CSMD1: variants seen among roughly 807,000 people sequenced by gnomAD.
CSMD1 encodes the protein CUB and sushi domain-containing protein 1.
CSMD1 carries 213 observed loss-of-function variants against 417.5 expected under a neutral mutation model. The ratio of observed to expected loss-of-function variants is 0.51; its 90% CI spans 0.46 to 0.57. The LOEUF (loss-of-function observed/expected upper bound fraction) is 0.57, where lower values mean the gene tolerates loss of function less well. Ranked by LOEUF, CSMD1 falls within the 20% of genes least tolerant of loss-of-function variation. The pLI is 0.00. For synonymous variants in CSMD1, 2,862 were observed against 1,736.8 expected (o/e 1.65, Z -16.11); for missense variants, 6,923 against 4,529.7 (o/e 1.53, Z -15.17).
chr8:4,682,336 A>C (rs959268248), intron 1 of CSMD1, among the ~76,000 whole-genome samples: 1 of 152,100 alleles, frequency 6.6e-6, no homozygotes, highest in African/African-American at 2.4e-5. Flanking sequence ...TAGACTGAAA[A>C]ATGCTTTTTT....
intron 47 of CSMD1, 86 bp downstream of exon 47, chr8:3,096,763 C>T (rs1815334210): frequency 5.6e-6 from 5 of 892,558 alleles, no homozygotes; most frequent in Non-Finnish European, 5.0e-6. Context: ...AGAATATATT[C>T]CAGTCTTTAT....
Position 4,372,480 on chromosome 8 carries a change from TAAAAC to T in CSMD1, c.415+47468_415+47472del, listed in dbSNP as rs569028541. Among the ~76,000 whole-genome samples, 1,107 of 148,596 alleles carry T rather than the reference TAAAAC, an allele frequency of 7.4e-3. 9 individuals are homozygous for T. The highest frequency in any genetic ancestry group is 0.027 in the African/African-American group (1,055 of 39,206). On this transcript the variant is annotated intron_variant, in intron 3 of 69. Coordinates refer to ENST00000635120, the MANE Select transcript of CSMD1 (RefSeq NM_033225.6). ...TCAAGGGCAATAGTTAAGTGTCACT[TAAAAC>T]AACAACAACAAAAAACAGAAAAAAA...
chr8:4,283,589 G>A (rs753057908), intron 3 of CSMD1, among the ~76,000 whole-genome samples: 5 of 152,118 alleles, frequency 3.3e-5, no homozygotes, highest in Admixed American at 6.6e-5. Flanking sequence ...ATGTAATTTA[G>A]GAAACCCAGG....
At chr8:3,556,536 A>C (rs1233821637) in intron 10 of CSMD1, among the ~76,000 whole-genome samples, 1 of 148,892 alleles carries the variant, frequency 6.7e-6, no homozygotes, top group Non-Finnish European at 1.5e-5. Flanking sequence ...ACACACACAC[A>C]CACACACACA....
At chr8:4,930,954 G>C (rs187988692) in intron 1 of CSMD1, among the ~76,000 whole-genome samples, 7 of 152,108 alleles carry the variant, frequency 4.6e-5, no homozygotes, top group Non-Finnish European at 5.9e-5. Flanking sequence ...ATTTACAGAA[G>C]CTTATGGAAC....
intron 3 of CSMD1, among the ~76,000 whole-genome samples, chr8:4,380,570 C>G (rs1803035937): frequency 6.6e-6 from 1 of 152,074 alleles, no homozygotes; most frequent in Non-Finnish European, 1.5e-5. Flanking sequence ...GGATGGGACC[C>G]GTGGATGGAA....
At chr8:3,929,938 A>AG (rs1810026358) in intron 5 of CSMD1, among the ~76,000 whole-genome samples, 1 of 150,396 alleles carries the variant, frequency 6.6e-6, no homozygotes, top group Admixed American at 6.6e-5. Context: ...CTGGGATTAC[A>AG]GGCCTCATGT....
Position 4,126,328 on chromosome 8 carries a change from G to A in CSMD1, c.416-94229C>T, listed in dbSNP as rs147714875. On this transcript the variant is annotated intron_variant, in intron 3 of 69. Transcript: ENST00000635120. ...GATAAATTGGCTCTGTCTGGGCAGG[G>A]GGCAAGGTGAACCCACTGCATGGTT... Among the ~76,000 whole-genome samples the A allele has an allele frequency of 2.5e-3, 386 of 152,238 alleles. 4 individuals are homozygous for A. The highest frequency in any genetic ancestry group is 8.8e-3 in the African/African-American group (365 of 41,532).
At chr8:4,157,632 G>T (rs147472219) in intron 3 of CSMD1, among the ~76,000 whole-genome samples, 1 of 152,170 alleles carries the variant, frequency 6.6e-6, no homozygotes, top group Admixed American at 6.5e-5. Context: ...TTGATTTTCA[G>T]AACAGCTCAG....
At chr8:4,483,904 T>G (rs1298817040) in intron 2 of CSMD1, among the ~76,000 whole-genome samples, 1 of 152,200 alleles carries the variant, frequency 6.6e-6, no homozygotes, top group Non-Finnish European at 1.5e-5. Context: ...GGTTTGCTTA[T>G]TCAGGCCAAG....
intron 57 of CSMD1, among the ~76,000 whole-genome samples, chr8:2,970,475 A>T (rs538541576): frequency 6.6e-6 from 1 of 152,360 alleles, no homozygotes; most frequent in Non-Finnish European, 1.5e-5. Context: ...AATATTCTTG[A>T]AAACAGAAGG....
At chr8:3,809,203 C>A (rs950275846) in intron 5 of CSMD1, among the ~76,000 whole-genome samples, 1 of 152,152 alleles carries the variant, frequency 6.6e-6, no homozygotes, top group Non-Finnish European at 1.5e-5. Context: ...AACTTCTCAC[C>A]CATCAGGTCT....
At chr8:4,743,138 A>G (rs1220046969) in intron 1 of CSMD1, among the ~76,000 whole-genome samples, 1 of 152,188 alleles carries the variant, frequency 6.6e-6, no homozygotes, top group East Asian at 1.9e-4. Context: ...AAAATAACCA[A>G]ACTTTTAACA....
intron 26 of CSMD1, among the ~76,000 whole-genome samples, chr8:3,253,108 T>G (rs1455781912): frequency 6.6e-6 from 1 of 152,216 alleles, no homozygotes; most frequent in African/African-American, 2.4e-5. Context: ...CCAGTTCTTT[T>G]AATTGTGATG....
intron 5 of CSMD1, among the ~76,000 whole-genome samples, chr8:3,962,937 T>C (rs1812426787): frequency 6.6e-6 from 1 of 152,192 alleles, no homozygotes; most frequent in Admixed American, 6.5e-5. Context: ...CACTCAGTTT[T>C]TGTTTCGTTT....
intron 7 of CSMD1, among the ~76,000 whole-genome samples, chr8:3,631,549 G>C (rs1038626026): frequency 6.6e-6 from 1 of 152,184 alleles, no homozygotes; most frequent in Admixed American, 6.5e-5. Context: ...AAATAGAAAG[G>C]TTTGCAAACA....
chr8:4,010,894 T>C (rs1190490572), intron 4 of CSMD1, among the ~76,000 whole-genome samples: 1 of 152,180 alleles, frequency 6.6e-6, no homozygotes, highest in Non-Finnish European at 1.5e-5. Flanking sequence ...AAAAACATAC[T>C]GAAAGGTCTA....
intron 3 of CSMD1, among the ~76,000 whole-genome samples, chr8:4,033,159 G>C (rs1269480041): frequency 7.7e-6 from 1 of 130,314 alleles, no homozygotes; most frequent in Non-Finnish European, 1.6e-5. Context: ...AAAAAAACCT[G>C]GCCAGGCACG....
chr8:3,283,615 C>G (rs1802910326), intron 26 of CSMD1, among the ~76,000 whole-genome samples: 1 of 152,180 alleles, frequency 6.6e-6, no homozygotes, highest in African/African-American at 2.4e-5. Context: ...CTTGCCCCTT[C>G]TGCCCTGAAG....
Sources: allele counts gnomAD v4.1 joint callset (sites outside exome capture counted in the v4.1 genomes callset), GRCh38; gene constraint gnomAD v4.1.1; transcripts MANE v1.5; gene names NCBI Gene and HGNC (gene_info 2026-07-23, HGNC 2026-07-21).